The following CYFIP2 variants were observed in gnomAD, a reference collection of about 807,000 sequenced individuals.
CYFIP2 encodes the protein cytoplasmic FMR1-interacting protein 2.
CYFIP2 carries 29 observed loss-of-function variants against 158.7 expected under a neutral mutation model. That is an observed-to-expected ratio of 0.18 (90% confidence interval 0.14 to 0.25). The LOEUF is 0.25. Among genes scored for constraint, CYFIP2 ranks in the 10% least tolerant of loss-of-function variants. CYFIP2 has a pLI of 1.00. For missense variants in CYFIP2, 852 were observed against 1,639.5 expected (o/e 0.52, Z 8.29); for synonymous variants, 585 against 617.6 (o/e 0.95, Z 0.78).
intron 23 of CYFIP2, among the ~76,000 whole-genome samples, chr5:157,351,876 T>C (rs372533250): frequency 1.1e-3 from 167 of 152,280 alleles, no homozygotes; most frequent in African/African-American, 3.7e-3. Flanking sequence ...CCACCTGATG[T>C]GGTAGCGTCA....
intron 22 of CYFIP2, 74 bp from the exon 23 acceptor site, chr5:157,340,992 GCACT>G: frequency 7.3e-7 from 1 of 1,364,168 alleles, no homozygotes. Context: ...TGGCCAGGAA[GCACT>G]CCTGTTATCT....
intron 3 of CYFIP2, among the ~76,000 whole-genome samples, chr5:157,289,051 C>T (rs1004661642): frequency 6.6e-6 from 1 of 152,118 alleles, no homozygotes; most frequent in South Asian, 2.1e-4. Context: ...GCAAAGGGAT[C>T]ATTATATCCA....
intron 11 of CYFIP2, among the ~76,000 whole-genome samples, chr5:157,313,944 T>G (rs528138220): frequency 6.6e-6 from 1 of 152,252 alleles, no homozygotes; most frequent in East Asian, 1.9e-4. Flanking sequence ...AAAAATATTG[T>G]TGAGGCTGGG....
At chr5:157,292,242 G>A (rs1161365223) in intron 3 of CYFIP2, among the ~76,000 whole-genome samples, 1 of 147,344 alleles carries the variant, frequency 6.8e-6, no homozygotes, top group African/African-American at 2.5e-5. Flanking sequence ...TTTTTGAGAT[G>A]GAGTTTTGCT....
chr5:157,341,986 G>A (rs1227525900), intron 23 of CYFIP2: 2 of 152,448 alleles, frequency 1.3e-5, no homozygotes, highest in African/African-American at 4.8e-5. Flanking sequence ...TTCCCTTTTC[G>A]ATTCTCTTTC....
rs1767208596 is a variant in CYFIP2 at position 157,390,818 on chromosome 5, G to A, written c.3594+150G>A. The A allele has an allele frequency of 3.0e-6, 4 of 1,316,974 alleles. No homozygotes were observed. In the South Asian group the frequency reaches 4.2e-5, roughly 14 times the overall value. The allele number at this position is 1,316,974 out of a possible 1,614,324, so 81.6% of individuals were successfully genotyped here. A position where few individuals can be genotyped will look rare whatever the true frequency, so the allele number is the denominator to read the frequency against. On this transcript the variant is annotated intron_variant, in intron 30 of 30. Transcript: ENST00000620254. The stretch of plus-strand genomic sequence containing the variant: ...ACTATAGGCTGGGGACCTGCTTAGA[G>A]GAAGTCGTGAGGTCGTGAGTCACCC...
chr5:157,282,027 T>A (rs1757028347), intron 1 of CYFIP2, among the ~76,000 whole-genome samples: 1 of 152,180 alleles, frequency 6.6e-6, no homozygotes, highest in Non-Finnish European at 1.5e-5. Flanking sequence ...GCTTCATATT[T>A]CCCTGTACAG....
At chr5:157,375,445 A>G (rs4312866) in intron 26 of CYFIP2, among the ~76,000 whole-genome samples, 52,130 of 151,844 alleles carry the variant, frequency 0.34, 10,057 homozygotes, top group East Asian at 0.85. Flanking sequence ...GTTGATTTCC[A>G]TGGTCTCCAC....
rs190408364 is a variant in CYFIP2 at position 157,327,797 on chromosome 5, T to C, written c.2080-176T>C. 5.8e-5 allele frequency: 35 copies of C among 604,720 alleles called. No individual in the cohort carries two copies. In the East Asian group the frequency reaches 8.4e-4, roughly 15 times the overall value. 37.5% of individuals were successfully genotyped at this position (604,720 alleles called of 1,614,324 possible). Reference sequence around the variant, plus strand: ...TTGTCTGTTCACTGACTGAGGACCCTGAGAGCAAGGGACCAAATCTCCCAA... The same window carrying C: ...TTGTCTGTTCACTGACTGAGGACCCCGAGAGCAAGGGACCAAATCTCCCAA... On this transcript the variant is annotated intron_variant, in intron 18 of 30. Coordinates refer to ENST00000620254, the MANE Select transcript of CYFIP2 (RefSeq NM_001037333.3).
chr5:157,305,149 G>A (rs1759107676), intron 8 of CYFIP2, among the ~76,000 whole-genome samples: 1 of 152,076 alleles, frequency 6.6e-6, no homozygotes, highest in Non-Finnish European at 1.5e-5. Context: ...TTATCTGCTT[G>A]TTGGTTGACG....
Position 157,389,211 on chromosome 5 carries a change from G to C in CYFIP2, c.3230G>C (p.Gly1077Ala). ...CAGCAAATCGCCATTGCTCGCGAGG[G>C]TGACCTCCTGACCAAGGAGCGGCTG... ...TPQQIAIAREGDLLTKERLCC... is the reference protein window; with the variant it reads ...TPQQIAIAREADLLTKERLCC... Residue 1077 changes from glycine to alanine, a missense_variant, in exon 29 of 31, where the codon GGT becomes GCT. This residue lies in a region of CYFIP2 where 223 missense variants were observed against 381.6 expected (regional missense o/e 0.58). Coordinates refer to ENST00000620254, the MANE Select transcript of CYFIP2 (RefSeq NM_001037333.3). 2 of 1,612,864 alleles carry C rather than the reference G, an allele frequency of 1.2e-6. No homozygotes were observed. The highest frequency in any genetic ancestry group is 1.7e-6 in the Non-Finnish European group (2 of 1,179,088).
At chr5:157,317,417 T>G (rs988016964) in intron 13 of CYFIP2, among the ~76,000 whole-genome samples, 1 of 152,256 alleles carries the variant, frequency 6.6e-6, no homozygotes, top group Non-Finnish European at 1.5e-5. Flanking sequence ...AAGCGATTCC[T>G]TGTGGTATTT....
chr5:157,347,480 C>T (rs1303181292), intron 23 of CYFIP2, among the ~76,000 whole-genome samples: 1 of 152,134 alleles, frequency 6.6e-6, no homozygotes, highest in African/African-American at 2.4e-5. Context: ...CTTAAATCTG[C>T]AGCAATGCAT....
intron 26 of CYFIP2, among the ~76,000 whole-genome samples, chr5:157,369,935 G>A (rs1302579096): frequency 6.9e-6 from 1 of 145,670 alleles, no homozygotes; most frequent in Non-Finnish European, 1.5e-5. Flanking sequence ...AGGCTGGAGT[G>A]CAGTGGCGTG....
In CYFIP2 at chr5:157,343,158, C is replaced by T. The variant is rs780016703; in HGVS notation, c.2673+2001C>T. On this transcript the variant is annotated intron_variant, in intron 23 of 30. Coordinates refer to ENST00000620254, the MANE Select transcript of CYFIP2 (RefSeq NM_001037333.3). ...AACTGGAGGCAGATGAAGGCCAAGACGGCTGTGAAGCAGGCCAGCAGAATG... is the reference window on the plus strand; with the variant it reads ...AACTGGAGGCAGATGAAGGCCAAGATGGCTGTGAAGCAGGCCAGCAGAATG... 2.7e-5 allele frequency: 44 copies of T among 1,614,190 alleles called. 1 individual carries two copies. Among genetic ancestry groups the T allele is most frequent in the South Asian group, 1.4e-4 (13 of 91,090 alleles).
chr5:157,379,425 A>G (rs1765814376), intron 26 of CYFIP2, among the ~76,000 whole-genome samples: 2 of 151,994 alleles, frequency 1.3e-5, no homozygotes, highest in Admixed American at 6.6e-5. Flanking sequence ...AAAATTGATA[A>G]GCTGAATAGT....
chr5:157,326,099 C>T lies in CYFIP2; in HGVS notation c.1983-72C>T. ...TGACTGTGAACTTGTTTCTATTTCC[C>T]AAGCAAGTATAAAGCTGTCTTCCTT... On this transcript the variant is annotated intron_variant, in intron 17 of 30. Transcript: ENST00000620254. 2.6e-6 allele frequency: 3 copies of T among 1,146,812 alleles called. No homozygotes were observed. The East Asian group carries it at 7.1e-5, about 27-fold the overall frequency. The allele number at this position is 1,146,812 out of a possible 1,614,324, so 71.0% of individuals were successfully genotyped here.
At chr5:157,357,927 T>C (rs1326728714) in intron 23 of CYFIP2, among the ~76,000 whole-genome samples, 3 of 152,128 alleles carry the variant, frequency 2.0e-5, no homozygotes, top group Non-Finnish European at 4.4e-5. Flanking sequence ...AAATACACCA[T>C]GATAGGTGGA....
intron 23 of CYFIP2, among the ~76,000 whole-genome samples, chr5:157,348,988 C>A (rs1449920870): frequency 6.6e-6 from 1 of 151,800 alleles, no homozygotes; most frequent in Non-Finnish European, 1.5e-5. Flanking sequence ...ACCGTGTTGC[C>A]CAGACTGGTC....
Sources: allele counts gnomAD v4.1 joint callset (sites outside exome capture counted in the v4.1 genomes callset), GRCh38; gene constraint gnomAD v4.1.1; regional missense constraint gnomAD v4.1.1; transcripts MANE v1.5; gene names NCBI Gene and HGNC (gene_info 2026-07-23, HGNC 2026-07-21).